Variants in SLC26A5 observed in about 807,000 individuals in gnomAD.
The protein encoded by SLC26A5 is prestin.
A neutral mutation model predicts 81.0 loss-of-function variants in SLC26A5; 51 were observed. The observed-to-expected ratio is 0.63, with a 90% CI of 0.50 to 0.80. SLC26A5 has a LOEUF of 0.80. Among genes scored for constraint, SLC26A5 ranks in the 30% least tolerant of loss-of-function variants. The probability of loss-of-function intolerance (pLI) is 0.00; values close to 1 mark genes in which losing one functional copy is unlikely to be tolerated. For synonymous variants in SLC26A5, 325 were observed against 332.8 expected, an observed-to-expected ratio of 0.98 and a Z score of 0.25; for missense variants, 771 against 905.8, an observed-to-expected ratio of 0.85 and a Z score of 1.91.
intron 2 of SLC26A5, among the ~76,000 whole-genome samples, chr7:103,428,547 C>T (rs1352464529): frequency 6.8e-6 from 1 of 147,494 alleles, no homozygotes; most frequent in East Asian, 2.0e-4. Context: ...ACAAGGTCTA[C>T]CCTGCCAGTA....
chr7:103,377,910 A>G, intron 17 of SLC26A5, 111 bp from the exon 18 acceptor site: 1 of 961,296 alleles, frequency 1.0e-6, no homozygotes, highest in Middle Eastern at 3.0e-4. Context: ...TACTGACTCT[A>G]CCAGACCCCT....
At chr7:103,416,005 T>C (rs1824879651) in intron 4 of SLC26A5, among the ~76,000 whole-genome samples, 1 of 152,210 alleles carries the variant, frequency 6.6e-6, no homozygotes, top group Non-Finnish European at 1.5e-5. Flanking sequence ...AGATTTCCTC[T>C]ACTTTATCTT....
chr7:103,436,522 G>A (rs2382693), intron 2 of SLC26A5, among the ~76,000 whole-genome samples: 77,569 of 152,022 alleles, frequency 0.51, 22,853 homozygotes, highest in African/African-American at 0.82. Flanking sequence ...TACTGAAGGA[G>A]TCATAAACCA....
At position 103,387,780 on chromosome 7, in the gene SLC26A5, C is replaced by T. The variant is rs537914219; in HGVS notation, c.1514+1228G>A. Among the ~76,000 whole-genome samples the T allele has an allele frequency of 5.3e-5, 8 of 152,278 alleles. No homozygotes were observed. In the South Asian group the frequency reaches 1.7e-3, roughly 32 times the overall value. On this transcript the variant is annotated intron_variant, in intron 14 of 19. Transcript: ENST00000306312. ...CACTGCAACCTCTGCCTCCCAGGTT[C>T]AAGCGATTCTCCTGCCTCAGCCTCC...
At chr7:103,371,546 C>T (rs546864693), downstream of SLC26A5, among the ~76,000 whole-genome samples, 461 of 151,362 alleles carry the variant, frequency 3.0e-3, 11 homozygotes, top group Admixed American at 0.028. Context: ...AGGATGATCT[C>T]AATCTCCTGA....
intron 14 of SLC26A5, among the ~76,000 whole-genome samples, chr7:103,388,363 A>AT (rs1190049914): frequency 7.0e-4 from 105 of 149,904 alleles, no homozygotes; most frequent in African/African-American, 2.3e-3. Flanking sequence ...AGCCTGGCTA[A>AT]TTTTTTTTTG....
intron 19 of SLC26A5, chr7:103,364,130 GTCTC>G: frequency 1.2e-6 from 2 of 1,610,120 alleles, no homozygotes; most frequent in Non-Finnish European, 1.7e-6. Flanking sequence ...TGAAAATTGT[GTCTC>G]TATCACAGCC....
In SLC26A5 at chr7:103,424,250, C is replaced by T. The variant is rs79693206; in HGVS notation, c.-53-2683G>A. 2.6e-3 allele frequency among the ~76,000 whole-genome samples: 390 copies of T among 152,266 alleles called. 2 individuals are homozygous for T. The highest frequency in any genetic ancestry group is 9.2e-3 in the African/African-American group (381 of 41,540). On this transcript the variant is annotated intron_variant, in intron 2 of 19. Transcript: ENST00000306312. ...GTCTTCTGCTTTTCTGTGAGGTCTC[C>T]CCTCACTTATAATCCTTTATGAAAT...
chr7:103,364,573 C>T (rs1820591126), intron 19 of SLC26A5, among the ~76,000 whole-genome samples: 1 of 152,098 alleles, frequency 6.6e-6, no homozygotes, highest in African/African-American at 2.4e-5. Context: ...CCACACCCAG[C>T]TAATTTTTCT....
At chr7:103,431,740 T>C (rs1314225432) in intron 2 of SLC26A5, among the ~76,000 whole-genome samples, 5 of 152,220 alleles carry the variant, frequency 3.3e-5, no homozygotes, top group African/African-American at 1.2e-4. Context: ...TTGTATGAGA[T>C]AGTTCTGTGC....
intron 19 of SLC26A5, chr7:103,368,317 G>C: frequency 3.4e-6 from 1 of 295,878 alleles, no homozygotes; most frequent in Non-Finnish European, 6.2e-6. Context: ...TCTATCCTAG[G>C]CATATGCTGG....
At chr7:103,377,478 C>A in intron 18 of SLC26A5, 121 bp downstream of exon 18, 1 of 931,138 alleles carries the variant, frequency 1.1e-6, no homozygotes, top group Non-Finnish European at 1.7e-6. Context: ...TTGAAATTTT[C>A]CATAATCAAA....
chr7:103,402,338 T>A (rs910883315), intron 8 of SLC26A5, among the ~76,000 whole-genome samples: 4 of 152,064 alleles, frequency 2.6e-5, no homozygotes, highest in Non-Finnish European at 4.4e-5. Flanking sequence ...ATTTTCTAGT[T>A]AATTTGCATA....
intron 11 of SLC26A5, among the ~76,000 whole-genome samples, chr7:103,390,811 C>T (rs1822579373): frequency 6.6e-6 from 1 of 151,404 alleles, no homozygotes; most frequent in African/African-American, 2.4e-5. Context: ...CAGAAGAGTT[C>T]AGATAAGTGT....
chr7:103,397,702 G>A (rs1280144242), intron 9 of SLC26A5, among the ~76,000 whole-genome samples: 2 of 139,602 alleles, frequency 1.4e-5, no homozygotes, highest in African/African-American at 5.3e-5. Flanking sequence ...AGGCGACAGA[G>A]TGAGACTTCG....
chr7:103,380,910 A>G lies in SLC26A5; in HGVS notation c.1515-361T>C, dbSNP rs562437501. On this transcript the variant is annotated intron_variant, in intron 14 of 19. Transcript: ENST00000306312. ...TACACACAATGCATACACACCACAC[A>G]TACAGAATACACACACATTATACGA... Among the ~76,000 whole-genome samples, 7 of 151,762 alleles carry G rather than the reference A, an allele frequency of 4.6e-5. No individual in the cohort carries two copies. The East Asian group carries it at 1.4e-3, about 29-fold the overall frequency.
At position 103,377,891 on chromosome 7, in the gene SLC26A5, T is replaced by C; in HGVS notation, c.1786-92A>G. The C allele has an allele frequency of 3.2e-6, 4 of 1,233,494 alleles. No individual in the cohort carries two copies. In the South Asian group the frequency reaches 4.9e-5, roughly 15 times the overall value. 76.4% of individuals were successfully genotyped at this position (1,233,494 alleles called of 1,614,324 possible). On this transcript the variant is annotated intron_variant, in intron 17 of 19. Transcript: ENST00000306312. ...TTATAATGGAAAATCTGCTCTTGTG[T>C]TCTTAAGCTACTGACTCTACCAGAC...
chr7:103,371,814 G>A (rs1821058912), downstream of SLC26A5, among the ~76,000 whole-genome samples: 1 of 150,758 alleles, frequency 6.6e-6, no homozygotes, highest in Admixed American at 6.7e-5. Flanking sequence ...TCCTGCCTCA[G>A]CCTCCCGAGT....
In SLC26A5 at chr7:103,378,541, G is replaced by C; in HGVS notation, c.1690C>G (p.Pro564Ala). ...CTCCTTGCTCCCATGATGACTGCTG[G>C]GTTCACTCCAGTCTTTACAGAAGAG... ...NALKRKTGVN[P>A]AVIMGARRKA... is the part of the protein sequence containing the mutation. Residue 564 changes from proline to alanine, a missense_variant, in exon 17 of 20, where the codon CCA (proline) becomes GCA (alanine). By Grantham distance (27) the Pro-to-Ala change is conservative (BLOSUM62 -1). Coordinates refer to ENST00000306312, the MANE Select transcript of SLC26A5 (RefSeq NM_198999.3). 1 of 1,613,982 alleles carries C rather than the reference G, an allele frequency of 6.2e-7. No homozygotes were observed. Among genetic ancestry groups the C allele is most frequent in the South Asian group, 1.1e-5 (1 of 91,082 alleles).
Sources: allele counts gnomAD v4.1 joint callset (sites outside exome capture counted in the v4.1 genomes callset), GRCh38; gene constraint gnomAD v4.1.1; transcripts MANE v1.5; gene names NCBI Gene and HGNC (gene_info 2026-07-23, HGNC 2026-07-21).